The following UNC13C variants were observed in gnomAD, a reference collection of about 807,000 sequenced individuals.
The protein encoded by UNC13C is protein unc-13 homolog C.
Under a neutral mutation model 245.4 loss-of-function variants are expected in UNC13C, and 174 were observed. The ratio of observed to expected loss-of-function variants is 0.71; its 90% CI spans 0.63 to 0.80. The LOEUF is 0.80. Ranked by LOEUF, UNC13C falls within the 30% of genes least tolerant of loss-of-function variation. The probability of loss-of-function intolerance (pLI) is 0.00; values close to 1 mark genes in which losing one functional copy is unlikely to be tolerated. For missense variants in UNC13C, 2,829 were observed against 2,602.9 expected (o/e 1.09, Z -1.89); for synonymous variants, 992 against 895.1 (o/e 1.11, Z -1.93).
chr15:54,455,614 A>T lies in UNC13C; in HGVS notation c.4934-38994A>T, dbSNP rs189211268. ...GATTTGCATTTCCCTGATCACTAGT[A>T]ATTTGAGCATTTTTTCATGTTTGTT... is the stretch of plus-strand genomic sequence containing the variant. On this transcript the variant is annotated intron_variant, in intron 19 of 32. Coordinates refer to ENST00000260323, the MANE Select transcript of UNC13C (RefSeq NM_001080534.3). Among the ~76,000 whole-genome samples, 24 of 150,924 alleles carry T rather than the reference A, an allele frequency of 1.6e-4. No individual in the cohort carries two copies. The East Asian group carries it at 4.3e-3, about 27-fold the overall frequency.
At chr15:53,942,526 C>T in the UNC13C span, among the ~76,000 whole-genome samples, 1 of 148,970 alleles carries the variant, frequency 6.7e-6, no homozygotes, top group African/African-American at 2.5e-5. Flanking sequence ...AAAAAACCTG[C>T]ACATCCTATA....
intron 4 of UNC13C, among the ~76,000 whole-genome samples, chr15:54,203,519 C>T (rs148056345): frequency 0.19 from 26,227 of 134,524 alleles, 2,973 homozygotes; most frequent in Middle Eastern, 0.33. Flanking sequence ...CACACACACA[C>T]ATATATATGT....
intron 18 of UNC13C, among the ~76,000 whole-genome samples, chr15:54,411,526 G>T (rs1329864212): frequency 2.0e-5 from 3 of 152,074 alleles, no homozygotes; most frequent in Non-Finnish European, 4.4e-5. Context: ...TTTGTTGCAA[G>T]GTATGAGTCA....
intron 19 of UNC13C, among the ~76,000 whole-genome samples, chr15:54,435,758 T>TA (rs56113356): frequency 0.59 from 89,342 of 150,206 alleles, 26,683 homozygotes; most frequent in East Asian, 0.77. Context: ...TAAATAAAAA[T>TA]AAAAAAAGAA....
At chr15:54,447,536 C>G (rs1377216938) in intron 19 of UNC13C, among the ~76,000 whole-genome samples, 1 of 152,186 alleles carries the variant, frequency 6.6e-6, no homozygotes, top group African/African-American at 2.4e-5. Flanking sequence ...TCCATTTCTT[C>G]TAGATTTTCT....
At chr15:54,049,643 C>T (rs1247894228) in intron 2 of UNC13C, 1 of 250,174 alleles carries the variant, frequency 4.0e-6, no homozygotes, top group Non-Finnish European at 7.9e-6. Flanking sequence ...ATGCCCAATT[C>T]CACACACTCC....
Position 54,108,343 on chromosome 15 carries a change from C to A in UNC13C, c.2984-34675C>A, listed in dbSNP as rs577041367. ...CTGGGACTACAGGCGCCCGCCACCACGCCTGGCTAATTTTTTTGTATTTTT... is the reference window on the plus strand; with the variant it reads ...CTGGGACTACAGGCGCCCGCCACCAAGCCTGGCTAATTTTTTTGTATTTTT... On this transcript the variant is annotated intron_variant, in intron 2 of 32. Transcript: ENST00000260323. Among the ~76,000 whole-genome samples, 9 of 152,220 alleles carry A rather than the reference C, an allele frequency of 5.9e-5. No homozygotes were observed. The South Asian group carries it at 1.9e-3, about 32-fold the overall frequency.
At chr15:53,881,950 C>G in the UNC13C span, among the ~76,000 whole-genome samples, 1 of 152,110 alleles carries the variant, frequency 6.6e-6, no homozygotes, top group African/African-American at 2.4e-5. Flanking sequence ...ATAGAAAACT[C>G]AGCACAAGCC....
chr15:53,995,326 C>T (rs1362390717), intron 1 of UNC13C, among the ~76,000 whole-genome samples: 1 of 152,000 alleles, frequency 6.6e-6, no homozygotes, highest in Non-Finnish European at 1.5e-5. Context: ...AAATTGGTAT[C>T]TTACTACCCT....
intron 25 of UNC13C, among the ~76,000 whole-genome samples, chr15:54,526,096 A>G (rs1348728273): frequency 6.6e-6 from 1 of 152,198 alleles, no homozygotes; most frequent in Non-Finnish European, 1.5e-5. Context: ...CAACAACCCT[A>G]TACCAAATTG....
chr15:54,584,012 T>C (rs1898343337), intron 30 of UNC13C, among the ~76,000 whole-genome samples: 2 of 152,154 alleles, frequency 1.3e-5, no homozygotes, highest in African/African-American at 4.8e-5. Context: ...CTCCTGCCGC[T>C]CTCTGGACCT....
At chr15:54,016,998 A>G (rs1427005994) in intron 2 of UNC13C, among the ~76,000 whole-genome samples, 1 of 152,136 alleles carries the variant, frequency 6.6e-6, no homozygotes, top group Non-Finnish European at 1.5e-5. Context: ...CTGTGATCAA[A>G]CTCCCCTAAA....
chr15:54,370,398 T>C (rs749259324), intron 17 of UNC13C, among the ~76,000 whole-genome samples: 5 of 152,126 alleles, frequency 3.3e-5, no homozygotes, highest in Non-Finnish European at 5.9e-5. Flanking sequence ...TAATGAAATA[T>C]AGACATTTAG....
chr15:54,279,163 G>A (rs1292986031), intron 10 of UNC13C, among the ~76,000 whole-genome samples: 1 of 152,134 alleles, frequency 6.6e-6, no homozygotes, highest in East Asian at 1.9e-4. Context: ...TGTGGTATTT[G>A]TGCAGTGACT....
At chr15:54,157,053 G>C (rs577928341) in intron 4 of UNC13C, among the ~76,000 whole-genome samples, 128 of 152,210 alleles carry the variant, frequency 8.4e-4, no homozygotes, top group African/African-American at 3.0e-3. Context: ...GTTTCTCTGG[G>C]ATCAGGGCAA....
At chr15:54,368,103 G>A (rs937714420) in intron 17 of UNC13C, among the ~76,000 whole-genome samples, 18 of 152,026 alleles carry the variant, frequency 1.2e-4, no homozygotes, top group Non-Finnish European at 7.4e-5. Flanking sequence ...CACCCCATGT[G>A]CTTCACCTTA....
At chr15:54,197,357 T>A (rs1314952881) in intron 4 of UNC13C, among the ~76,000 whole-genome samples, 2 of 151,088 alleles carry the variant, frequency 1.3e-5, no homozygotes, top group African/African-American at 4.9e-5. Flanking sequence ...CCCAGCTAAG[T>A]GGGAGGCTAA....
intron 2 of UNC13C, among the ~76,000 whole-genome samples, chr15:54,111,446 A>G (rs1002398408): frequency 2.6e-5 from 4 of 152,226 alleles, no homozygotes; most frequent in Non-Finnish European, 5.9e-5. Context: ...TAAAGCAAAT[A>G]ACATCATAAC....
At chr15:54,341,075 T>A (rs921431220) in intron 17 of UNC13C, among the ~76,000 whole-genome samples, 3 of 152,194 alleles carry the variant, frequency 2.0e-5, no homozygotes, top group African/African-American at 7.2e-5. Context: ...AAAACAGAAC[T>A]ACCATTTGAC....
Sources: allele counts gnomAD v4.1 joint callset (sites outside exome capture counted in the v4.1 genomes callset), GRCh38; gene constraint gnomAD v4.1.1; transcripts MANE v1.5; gene names NCBI Gene and HGNC (gene_info 2026-07-23, HGNC 2026-07-21).